ACSS3: variants seen among roughly 807,000 people sequenced by gnomAD.
The protein encoded by ACSS3 is acyl-CoA synthetase short chain family member 3.
A neutral mutation model predicts 84.2 loss-of-function variants in ACSS3; 64 were observed. That is an observed-to-expected ratio of 0.76 (90% CI 0.62 to 0.94). The LOEUF (loss-of-function observed/expected upper bound fraction) is 0.94, where lower values mean the gene tolerates loss of function less well. ACSS3 is among the 40% of genes least tolerant of loss of function. The probability of loss-of-function intolerance (pLI) is 0.00; values close to 1 mark genes in which losing one functional copy is unlikely to be tolerated. For missense variants in ACSS3, 815 were observed against 867.6 expected, an observed-to-expected ratio of 0.94 and a Z score of 0.76; for synonymous variants, 317 against 310.1, an observed-to-expected ratio of 1.02 and a Z score of -0.23.
intron 1 of ACSS3, among the ~76,000 whole-genome samples, chr12:81,083,067 A>G (rs1419697474): frequency 6.6e-6 from 1 of 152,252 alleles, no homozygotes. Context: ...TGACAAAAAC[A>G]TAGAGGTAAG....
At chr12:81,220,822 T>G (rs1045096215) in intron 11 of ACSS3, among the ~76,000 whole-genome samples, 1 of 152,070 alleles carries the variant, frequency 6.6e-6, no homozygotes, top group Admixed American at 6.6e-5. Context: ...TTTACTCTGT[T>G]TCTTAAAATT....
intron 9 of ACSS3, among the ~76,000 whole-genome samples, chr12:81,200,462 G>C (rs2032048310): frequency 6.6e-6 from 1 of 152,158 alleles, no homozygotes; most frequent in Non-Finnish European, 1.5e-5. Flanking sequence ...AATTAGCTCT[G>C]ATTGTAAAAA....
rs1226526285 is a variant in ACSS3 at position 81,257,876 on chromosome 12, A to ATATG, written c.*2956_*2959dup. The ATATG allele has an allele frequency of 6.6e-6, 1 of 152,098 alleles. No individual in the cohort carries two copies. Among genetic ancestry groups the ATATG allele is most frequent in the East Asian group, 1.9e-4 (1 of 5,198 alleles). The allele number at this position is 152,098 out of a possible 1,614,324, so 9.4% of individuals were successfully genotyped here. Reference sequence around the variant, plus strand: ...AAATACCTGGATCTTTTGCATCACTATATGTTAGTGTCTATTATAGATGAT... The same window carrying ATATG: ...AAATACCTGGATCTTTTGCATCACTATATGTATGTTAGTGTCTATTATAGATGAT... On this transcript the variant is annotated 3_prime_UTR_variant, in exon 16 of 16. Transcript: ENST00000548058.
intron 13 of ACSS3, among the ~76,000 whole-genome samples, chr12:81,236,429 A>T (rs532350267): frequency 6.6e-6 from 1 of 151,402 alleles, no homozygotes; most frequent in Non-Finnish European, 1.5e-5. Flanking sequence ...TAGTAATCAT[A>T]TAGCCATTCT....
chr12:81,164,099 T>C (rs1887286815), intron 7 of ACSS3, among the ~76,000 whole-genome samples: 1 of 152,204 alleles, frequency 6.6e-6, no homozygotes, highest in African/African-American at 2.4e-5. Flanking sequence ...AAGCAACTCC[T>C]AGTTCTATAA....
At chr12:81,227,586 G>A (rs953157810) in intron 11 of ACSS3, among the ~76,000 whole-genome samples, 2 of 151,856 alleles carry the variant, frequency 1.3e-5, no homozygotes, top group Non-Finnish European at 1.5e-5. Flanking sequence ...ACGCATGAAA[G>A]GAAGGAAGGG....
At chr12:81,160,318 T>A (rs1887087367) in intron 7 of ACSS3, among the ~76,000 whole-genome samples, 2 of 152,228 alleles carry the variant, frequency 1.3e-5, no homozygotes. Context: ...TTCTTCAGTA[T>A]GTTTACTAGA....
At chr12:81,158,961 C>G (rs1314659956) in intron 7 of ACSS3, among the ~76,000 whole-genome samples, 4 of 152,136 alleles carry the variant, frequency 2.6e-5, no homozygotes, top group African/African-American at 9.7e-5. Context: ...ATTCTCAGCT[C>G]CTTGCCTTAA....
intron 1 of ACSS3, among the ~76,000 whole-genome samples, chr12:81,086,980 T>C (rs1881359996): frequency 1.3e-5 from 2 of 152,144 alleles, no homozygotes; most frequent in Admixed American, 6.6e-5. Flanking sequence ...ATTATATTTG[T>C]TTTTGTCAGT....
intron 7 of ACSS3, among the ~76,000 whole-genome samples, chr12:81,159,508 G>A (rs1887046094): frequency 6.6e-6 from 1 of 152,138 alleles, no homozygotes; most frequent in Non-Finnish European, 1.5e-5. Context: ...TGCAATTCTT[G>A]AAGGAAAATT....
intron 7 of ACSS3, among the ~76,000 whole-genome samples, chr12:81,163,911 A>G (rs1887278269): frequency 1.3e-5 from 2 of 152,222 alleles, no homozygotes; most frequent in Admixed American, 1.3e-4. Flanking sequence ...AAAAACTAAA[A>G]CATTTATAAA....
At chr12:81,178,040 A>G (rs921265165) in intron 8 of ACSS3, among the ~76,000 whole-genome samples, 54 of 152,338 alleles carry the variant, frequency 3.5e-4, no homozygotes, top group African/African-American at 1.3e-3. Flanking sequence ...CACTATTCAC[A>G]GTAGCAAAGA....
At position 81,140,160 on chromosome 12, in the gene ACSS3, T is replaced by C. The variant is rs149074334; in HGVS notation, c.780+895T>C. The stretch of plus-strand genomic sequence containing the variant: ...GCATGCAATTGTCTTCTTAAAATTT[T>C]GAAGAGTATTTAGGCCAGAAATAAA... On this transcript the variant is annotated intron_variant, in intron 4 of 15. Transcript: ENST00000548058. Among the ~76,000 whole-genome samples, 17 of 152,346 alleles carry C rather than the reference T, an allele frequency of 1.1e-4. 1 individual carries two copies. Among genetic ancestry groups the C allele is most frequent in the African/African-American group, 3.4e-4 (14 of 41,580 alleles).
chr12:81,213,574 C>CTCCTG lies in ACSS3; in HGVS notation c.1355-3323_1355-3322insGTCCT, dbSNP rs1166577605. 5.5e-4 allele frequency among the ~76,000 whole-genome samples: 30 copies of CTCCTG among 54,464 alleles called. 3 individuals are homozygous for CTCCTG. The highest frequency in any genetic ancestry group is 1.9e-3 in the East Asian group (5 of 2,582). The allele number at this position is 54,464 out of a possible 152,430, so 35.7% of individuals were successfully genotyped here. On this transcript the variant is annotated intron_variant, in intron 9 of 15. Transcript: ENST00000548058. Reference sequence around the variant, plus strand: ...GTTCTCTTTCCTCCTCTCCTCTCCTCTCCTCTCCTCCCCTCCCCTCCCCTC... The same window carrying CTCCTG: ...GTTCTCTTTCCTCCTCTCCTCTCCTCTCCTGTCCTCTCCTCCCCTCCCCTCCCCTC...
intron 7 of ACSS3, among the ~76,000 whole-genome samples, chr12:81,171,878 C>T (rs1309129847): frequency 6.6e-6 from 1 of 152,124 alleles, no homozygotes; most frequent in Non-Finnish European, 1.5e-5. Flanking sequence ...TAGTCTATTG[C>T]TCCAAGGCTA....
chr12:81,078,354 C>A lies in ACSS3; in HGVS notation c.234C>A (p.Gly78=), dbSNP rs778310119. 6.8e-6 allele frequency: 11 copies of A among 1,612,580 alleles called. No homozygotes were observed. The East Asian group carries it at 2.5e-4, about 36-fold the overall frequency. The change falls in exon 1 of 16, where the codon GGC becomes GGA. Residue 78 remains glycine (G), a synonymous_variant. Coordinates refer to ENST00000548058, the MANE Select transcript of ACSS3 (RefSeq NM_024560.4). ...ASVTDPERFW[G]KAAEQISWYK... ...TGACCGACCCCGAGAGGTTCTGGGGCAAAGCTGCCGAGCAGATCAGCTGGT... is the reference window on the plus strand; with the variant it reads ...TGACCGACCCCGAGAGGTTCTGGGGAAAAGCTGCCGAGCAGATCAGCTGGT...
chr12:81,244,140 T>C (rs2033905347), intron 13 of ACSS3, among the ~76,000 whole-genome samples: 1 of 152,174 alleles, frequency 6.6e-6, no homozygotes, highest in South Asian at 2.1e-4. Flanking sequence ...CTAGAATTAA[T>C]GGTGCTTTTT....
intron 9 of ACSS3, among the ~76,000 whole-genome samples, chr12:81,200,902 A>G (rs1323180844): frequency 1.3e-5 from 2 of 151,680 alleles, no homozygotes; most frequent in Non-Finnish European, 2.9e-5. Flanking sequence ...AAAAAAAAAA[A>G]AAAAGAAAAA....
In ACSS3 at chr12:81,109,560, G is replaced by A. The variant is rs747952146; in HGVS notation, c.312G>A (p.Trp104Ter). ...CCTTTACTTTCCAATTATTTTTCAG[G>A]TTTGTGGAAGGAATGCTTAACATTT... ...LENKHSPSTR[W>*]FVEGMLNICY... The change falls in exon 2 of 16, where the codon TGG becomes TGA. Residue 104 changes from tryptophan (W) to a stop codon, truncating the protein, a stop_gained and splice_region_variant. Coordinates refer to ENST00000548058, the MANE Select transcript of ACSS3 (RefSeq NM_024560.4). LOFTEE classifies it high-confidence loss of function. The A allele has an allele frequency of 6.2e-7, 1 of 1,602,250 alleles. No individual in the cohort carries two copies.
Sources: gnomAD v4.1 joint callset for allele counts (sites outside exome capture counted in the v4.1 genomes callset) on GRCh38, gnomAD v4.1.1 for gene constraint, MANE v1.5 for transcripts, NCBI Gene and HGNC (gene_info 2026-07-23, HGNC 2026-07-21) for gene names.